ZNF510: variants seen among roughly 807,000 people sequenced by gnomAD.
The protein encoded by ZNF510 is zinc finger protein 510.
ZNF510 carries 15 observed loss-of-function variants against 18.1 expected under a neutral mutation model. The observed-to-expected ratio is 0.83, with a 90% CI of 0.55 to 1.28. ZNF510 has a LOEUF of 1.28. Ranked by LOEUF, ZNF510 falls within the 50% of genes most tolerant of loss-of-function variation. ZNF510 has a pLI of 0.00. For synonymous variants in ZNF510, 261 were observed against 266.4 expected, an observed-to-expected ratio of 0.98 and a Z score of 0.20; for missense variants, 724 against 791.8, an observed-to-expected ratio of 0.91 and a Z score of 1.03.
At chr9:96,773,876 CCT>C (rs1849634753) in intron 3 of ZNF510, among the ~76,000 whole-genome samples, 1 of 152,152 alleles carries the variant, frequency 6.6e-6, no homozygotes, top group African/African-American at 2.4e-5. Context: ...GCACCCGGCC[CCT>C]GTTGACATCT....
chr9:96,769,944 T>C (rs1849552170), intron 3 of ZNF510, among the ~76,000 whole-genome samples: 1 of 152,198 alleles, frequency 6.6e-6, no homozygotes, highest in South Asian at 2.1e-4. Flanking sequence ...GTGGAGAAAG[T>C]GGAACCCTAA....
In ZNF510 at chr9:96,763,516, G is replaced by A. The variant is rs774500307; in HGVS notation, c.246C>T (p.Leu82=). The A allele has an allele frequency of 1.1e-5, 18 of 1,606,562 alleles. No homozygotes were observed. The highest frequency in any genetic ancestry group is 8.9e-5 in the East Asian group (4 of 44,874). ...TGTTTACATGCTTACCCACTGAGAC[G>A]AGGTTGCTGTAGTTCTCCAGCATCA... ...RDVMLENYSN[L]VSVGYCCFKP... Residue 82 remains leucine (L), a synonymous_variant, in exon 4 of 6, where the codon CTC becomes CTT. Transcript: ENST00000223428.
In ZNF510 at chr9:96,759,692, G is replaced by A. The variant is rs780005648; in HGVS notation, c.1138C>T (p.His380Tyr). ...TQTWVKSSEY[H>Y]ENKKSYQTSV... is the part of the protein sequence containing the mutation. Reference sequence around the variant, plus strand: ...GTCTGGTAGGATTTCTTATTTTCATGATATTCAGAGGATTTAACCCAAGTC... The same window carrying A: ...GTCTGGTAGGATTTCTTATTTTCATAATATTCAGAGGATTTAACCCAAGTC... Residue 380 changes from histidine (H) to tyrosine (Y), a missense_variant, in exon 6 of 6, where the codon CAT becomes TAT. By Grantham distance (83) the His-to-Tyr change is moderately conservative (BLOSUM62 2). Transcript: ENST00000223428. The A allele has an allele frequency of 1.2e-6, 2 of 1,613,570 alleles. No individual in the cohort carries two copies. The highest frequency in any genetic ancestry group is 2.7e-5 in the African/African-American group (2 of 74,906).
chr9:96,761,397 A>G (rs1849344147), intron 5 of ZNF510, among the ~76,000 whole-genome samples: 1 of 152,204 alleles, frequency 6.6e-6, no homozygotes, highest in South Asian at 2.1e-4. Context: ...ATCATCTGCC[A>G]CTTCTCGCTT....
At chr9:96,776,875 C>G (rs573321577) in intron 1 of ZNF510, among the ~76,000 whole-genome samples, 2 of 152,278 alleles carry the variant, frequency 1.3e-5, no homozygotes, top group Admixed American at 1.3e-4. Flanking sequence ...GGCCTTAAAC[C>G]TGATTCTCTT....
chr9:96,758,624 A>C lies in ZNF510; in HGVS notation c.*154T>G. 1 of 738,412 alleles carries C rather than the reference A, an allele frequency of 1.4e-6. No individual in the cohort carries two copies. Among genetic ancestry groups the C allele is most frequent in the South Asian group, 2.3e-5 (1 of 42,998 alleles). The allele number at this position is 738,412 out of a possible 1,614,324, so 45.7% of individuals were successfully genotyped here. A position where few individuals can be genotyped will look rare whatever the true frequency, so the allele number is the denominator to read the frequency against. Reference sequence around the variant, plus strand: ...CACAATTCTTCCTGCATTCATCTTCATCTGGTTTCTTTCCTATGTGAATTC... The same window carrying C: ...CACAATTCTTCCTGCATTCATCTTCCTCTGGTTTCTTTCCTATGTGAATTC... On this transcript the variant is annotated 3_prime_UTR_variant, in exon 6 of 6. Coordinates refer to ENST00000223428, the MANE Select transcript of ZNF510 (RefSeq NM_014930.3).
intron 3 of ZNF510, 83 bp downstream of exon 3, chr9:96,774,705 C>A: frequency 1.6e-6 from 2 of 1,225,464 alleles, no homozygotes; most frequent in South Asian, 2.6e-5. Flanking sequence ...GATTTTGATC[C>A]ATTTCTACAT....
At chr9:96,768,183 C>A (rs1314275410) in intron 3 of ZNF510, among the ~76,000 whole-genome samples, 11 of 152,118 alleles carry the variant, frequency 7.2e-5, no homozygotes, top group Admixed American at 5.9e-4. Flanking sequence ...TAAAAACAAA[C>A]ATTTAACATG....
rs1179886956 is a variant in ZNF510, at chr9:96,756,676, A to G, written c.*2102T>C. ...CCCAAGGAAGAGATATCCAATGTGT[A>G]AAAGAGCCCAAGAGTAAACTAACAG... On this transcript the variant is annotated 3_prime_UTR_variant, in exon 6 of 6. Coordinates refer to ENST00000223428, the MANE Select transcript of ZNF510 (RefSeq NM_014930.3). The G allele has an allele frequency of 2.6e-5, 4 of 152,232 alleles. No individual in the cohort carries two copies. Among genetic ancestry groups the G allele is most frequent in the South Asian group, 2.1e-4 (1 of 4,836 alleles). The allele number at this position is 152,232 out of a possible 1,614,324, so 9.4% of individuals were successfully genotyped here. A position where few individuals can be genotyped will look rare whatever the true frequency, so the allele number is the denominator to read the frequency against.
Position 96,774,683 on chromosome 9 carries a change from T to C in ZNF510, c.129+105A>G, listed in dbSNP as rs933197499. 7 of 1,057,674 alleles carry C rather than the reference T, an allele frequency of 6.6e-6. No individual in the cohort carries two copies. The Admixed American group carries it at 8.1e-5, about 12-fold the overall frequency. 65.5% of individuals were successfully genotyped at this position (1,057,674 alleles called of 1,614,324 possible). On this transcript the variant is annotated intron_variant, in intron 3 of 5. Coordinates refer to ENST00000223428, the MANE Select transcript of ZNF510 (RefSeq NM_014930.3). ...TGTGCTACTGCCCTGCTTTTCTATA[T>C]ATTCCTTGAATGATTTTGATCCATT...
chr9:96,767,200 T>C (rs1588129819), intron 3 of ZNF510, among the ~76,000 whole-genome samples: 1 of 152,126 alleles, frequency 6.6e-6, no homozygotes, highest in African/African-American at 2.4e-5. Flanking sequence ...TGGTGGTGCG[T>C]GCCCATAATC....
chr9:96,759,300 G>C lies in ZNF510; in HGVS notation c.1530C>G (p.His510Gln). 1 of 1,614,104 alleles carries C rather than the reference G, an allele frequency of 6.2e-7. No homozygotes were observed. Residue 510 changes from histidine (H) to glutamine (Q), a missense_variant, in exon 6 of 6, where the codon CAC (histidine) becomes CAG (glutamine). Physicochemically the swap from His to Gln is conservative, Grantham distance 24. Coordinates refer to ENST00000223428, the MANE Select transcript of ZNF510 (RefSeq NM_014930.3). ...KSTLRDHHRI[H>Q]TGEKSFQCNQ... ...TGCATTGAAAGGATTTCTCCCCTGT[G>C]TGAATTCTGTGATGATCTCTGAGGG...
chr9:96,766,187 T>C (rs1481215749), intron 3 of ZNF510, among the ~76,000 whole-genome samples: 5 of 152,316 alleles, frequency 3.3e-5, no homozygotes, highest in African/African-American at 7.2e-5. Flanking sequence ...CAAAAGTTGA[T>C]AGAAATGAGA....
chr9:96,763,242 G>C (rs1451107661), intron 4 of ZNF510, 29 bp from the exon 5 acceptor site: 1 of 1,603,962 alleles, frequency 6.2e-7, no homozygotes, highest in Non-Finnish European at 8.5e-7. Context: ...CGAGGACTTA[G>C]ACCAGATATA....
intron 4 of ZNF510, 142 bp downstream of exon 4, chr9:96,763,364 G>A (rs577062588): frequency 8.2e-5 from 106 of 1,291,446 alleles, no homozygotes; most frequent in South Asian, 6.6e-4. Context: ...TCTAGTCCTC[G>A]ACAGGGCATA....
chr9:96,769,450 A>C (rs758142420), intron 3 of ZNF510, among the ~76,000 whole-genome samples: 3 of 151,926 alleles, frequency 2.0e-5, no homozygotes, highest in Non-Finnish European at 4.4e-5. Flanking sequence ...AAAAAAAAAA[A>C]ATTGGCCTTA....
intron 2 of ZNF510, 30 bp from the exon 3 acceptor site, chr9:96,774,876 C>T: frequency 1.2e-6 from 2 of 1,603,640 alleles, no homozygotes; most frequent in Non-Finnish European, 1.7e-6. Context: ...CATGAGAGAT[C>T]TGGGCAGCCT....
intron 3 of ZNF510, among the ~76,000 whole-genome samples, chr9:96,767,576 CTAT>C (rs145249706): frequency 0.059 from 9,005 of 152,110 alleles, 871 homozygotes; most frequent in African/African-American, 0.2. Flanking sequence ...ATAAAAAAGA[CTAT>C]AATAAAGAAT....
chr9:96,772,694 A>C (rs1849606826), intron 3 of ZNF510, among the ~76,000 whole-genome samples: 1 of 152,248 alleles, frequency 6.6e-6, no homozygotes, highest in African/African-American at 2.4e-5. Flanking sequence ...CACACTATAC[A>C]GCCACCAAAA....
Sources: allele counts gnomAD v4.1 joint callset (sites outside exome capture counted in the v4.1 genomes callset), GRCh38; gene constraint gnomAD v4.1.1; transcripts MANE v1.5; gene names NCBI Gene and HGNC (gene_info 2026-07-23, HGNC 2026-07-21).